Variants in SOCS2 observed in about 807,000 individuals in gnomAD.
The protein encoded by SOCS2 is CIS-2.
SOCS2 carries 10 observed loss-of-function variants against 18.6 expected under a neutral mutation model. That is an observed-to-expected ratio of 0.54 (90% CI 0.33 to 0.91). SOCS2 has a LOEUF of 0.91. Ranked by LOEUF, SOCS2 falls within the 40% of genes least tolerant of loss-of-function variation. The probability of loss-of-function intolerance (pLI) is 0.02; values close to 1 mark genes in which losing one functional copy is unlikely to be tolerated. For missense variants in SOCS2, 231 were observed against 247.2 expected, an observed-to-expected ratio of 0.93 and a Z score of 0.44; for synonymous variants, 104 against 104.0, an observed-to-expected ratio of 1.00 and a Z score of 0.00.
At chr12:93,590,301 A>G in the SOCS2 span, among the ~76,000 whole-genome samples, 1 of 152,048 alleles carries the variant, frequency 6.6e-6, no homozygotes, top group Non-Finnish European at 1.5e-5. Flanking sequence ...AGTAAAATAC[A>G]GTTTTAGCTA....
At chr12:93,595,310 A>AT in the SOCS2 span, among the ~76,000 whole-genome samples, 3 of 152,086 alleles carry the variant, frequency 2.0e-5, no homozygotes, top group East Asian at 3.9e-4. Flanking sequence ...ACATTTTAGA[A>AT]TTTTTTCCCC....
upstream of SOCS2, chr12:93,571,705 G>A: frequency 3.4e-6 from 1 of 291,668 alleles, no homozygotes. Context: ...TCTGCGCACG[G>A]AACTCCGACC....
chr12:93,614,480 T>TTTCTTTCTTTCC, the SOCS2 span, among the ~76,000 whole-genome samples: 11 of 26,152 alleles, frequency 4.2e-4, 1 homozygote, highest in African/African-American at 1.8e-3. Context: ...CCTTCCTTCC[T>TTTCTTTCTTTCC]TTCCTTCCTT....
chr12:93,584,935 G>T (rs1369190023), downstream of SOCS2, among the ~76,000 whole-genome samples: 1 of 151,920 alleles, frequency 6.6e-6, no homozygotes, highest in Non-Finnish European at 1.5e-5. Flanking sequence ...ACTAATTTTT[G>T]TATTTTTTGT....
At chr12:93,605,556 T>G in the SOCS2 span, among the ~76,000 whole-genome samples, 6 of 152,172 alleles carry the variant, frequency 3.9e-5, no homozygotes, top group Admixed American at 1.3e-4. Flanking sequence ...ACAGTTTGAC[T>G]CTTCAAGCAG....
the SOCS2 span, among the ~76,000 whole-genome samples, chr12:93,624,028 C>T: frequency 1.3e-5 from 2 of 152,154 alleles, no homozygotes; most frequent in Non-Finnish European, 2.9e-5. Context: ...TGGTCTTAAT[C>T]ACGAATATTA....
chr12:93,613,863 A>G, the SOCS2 span, among the ~76,000 whole-genome samples: 2 of 152,176 alleles, frequency 1.3e-5, no homozygotes, highest in Non-Finnish European at 2.9e-5. Flanking sequence ...ATCAACATAT[A>G]CTACTATAGC....
At chr12:93,606,326 G>A in the SOCS2 span, among the ~76,000 whole-genome samples, 7 of 152,104 alleles carry the variant, frequency 4.6e-5, no homozygotes, top group Admixed American at 4.6e-4. Flanking sequence ...TGCCACAAGT[G>A]GATAGTTTCT....
Position 93,572,783 on chromosome 12 carries a change from G to T in SOCS2, c.-115G>T. ...TCCCTTCTCTCTCTGCCACCATTTC[G>T]GACACCCCGCAGGGACTCGTTTTGG... On this transcript the variant is annotated 5_prime_UTR_variant, in exon 1 of 2. Transcript: ENST00000551556. The surrounding 1 kb of genome is among the most constrained non-coding windows in gnomAD (Gnocchi z 5.0). 7.4e-7 allele frequency: 1 copy of T among 1,343,868 alleles called. No individual in the cohort carries two copies. The highest frequency in any genetic ancestry group is 1.3e-5 in the South Asian group (1 of 79,688). 83.2% of individuals were successfully genotyped at this position (1,343,868 alleles called of 1,614,324 possible).
At chr12:93,614,632 T>TCTC in the SOCS2 span, among the ~76,000 whole-genome samples, 1 of 129,998 alleles carries the variant, frequency 7.7e-6, no homozygotes, top group African/African-American at 3.0e-5. Flanking sequence ...TCTTTCTTTC[T>TCTC]TTTGATGGAG....
the SOCS2 span, among the ~76,000 whole-genome samples, chr12:93,597,253 C>T: frequency 6.6e-6 from 1 of 152,222 alleles, no homozygotes; most frequent in African/African-American, 2.4e-5. Context: ...TTGTGCTACC[C>T]ATTTATAGTG....
chr12:93,572,423 G>A, upstream of SOCS2: 1 of 342,926 alleles, frequency 2.9e-6, no homozygotes, highest in Non-Finnish European at 5.7e-6. The surrounding 1 kb of genome is among the most constrained non-coding windows in gnomAD (Gnocchi z 5.0). Context: ...TTCAGCTAGT[G>A]ACCCTGGGCG....
chr12:93,594,361 C>G, the SOCS2 span, among the ~76,000 whole-genome samples: 1 of 152,110 alleles, frequency 6.6e-6, no homozygotes, highest in African/African-American at 2.4e-5. Flanking sequence ...TATTATAGTA[C>G]TTTCATTTTT....
chr12:93,606,190 G>A, the SOCS2 span, among the ~76,000 whole-genome samples: 1 of 152,026 alleles, frequency 6.6e-6, no homozygotes, highest in Admixed American at 6.6e-5. Flanking sequence ...TCATGTGAGT[G>A]CATCTGGCTG....
At chr12:93,619,547 C>T in the SOCS2 span, among the ~76,000 whole-genome samples, 2 of 152,186 alleles carry the variant, frequency 1.3e-5, no homozygotes, top group African/African-American at 4.8e-5. Context: ...ATTTAGGAAG[C>T]TCCTAGTGGG....
chr12:93,602,453 T>C, the SOCS2 span, among the ~76,000 whole-genome samples: 2 of 152,094 alleles, frequency 1.3e-5, no homozygotes, highest in African/African-American at 4.8e-5. Flanking sequence ...TGAATGTATG[T>C]GTATGTATAA....
At chr12:93,615,458 T>C in the SOCS2 span, among the ~76,000 whole-genome samples, 1 of 152,192 alleles carries the variant, frequency 6.6e-6, no homozygotes, top group Non-Finnish European at 1.5e-5. Context: ...ATGGAACTTG[T>C]CCCTCCCAAT....
downstream of SOCS2, among the ~76,000 whole-genome samples, chr12:93,580,441 C>T (rs369178704): frequency 1.3e-5 from 2 of 151,672 alleles, no homozygotes; most frequent in Non-Finnish European, 2.9e-5. Flanking sequence ...GCCAACATGG[C>T]GAAACCACAT....
chr12:93,620,578 CT>C, the SOCS2 span, among the ~76,000 whole-genome samples: 5 of 152,272 alleles, frequency 3.3e-5, no homozygotes, highest in African/African-American at 1.2e-4. Flanking sequence ...CCATGCCTGG[CT>C]AATTTTTGTA....
Sources: allele counts gnomAD v4.1 joint callset (sites outside exome capture counted in the v4.1 genomes callset), GRCh38; gene constraint gnomAD v4.1.1; non-coding constraint Gnocchi (gnomAD v3.1); transcripts MANE v1.5; gene names NCBI Gene and HGNC (gene_info 2026-07-23, HGNC 2026-07-21).